Variants in GALNTL6 observed in about 807,000 individuals in gnomAD.
GALNTL6 encodes the protein polypeptide N-acetylgalactosaminyltransferase like 6.
A neutral mutation model predicts 73.7 loss-of-function variants in GALNTL6; 46 were observed. The ratio of observed to expected loss-of-function variants is 0.62; its 90% confidence interval spans 0.49 to 0.80. The LOEUF is 0.80. Ranked by LOEUF, GALNTL6 falls within the 30% of genes least tolerant of loss-of-function variation. GALNTL6 has a pLI of 0.00. For synonymous variants in GALNTL6, 259 were observed against 263.7 expected (o/e 0.98, Z 0.17); for missense variants, 604 against 755.0 (o/e 0.80, Z 2.34).
intron 2 of GALNTL6, among the ~76,000 whole-genome samples, chr4:172,131,603 T>G (rs1733500617): frequency 6.6e-6 from 1 of 151,516 alleles, no homozygotes; most frequent in Admixed American, 6.6e-5. Context: ...CCTGTGCTCT[T>G]TTGTCAGTGT....
At chr4:171,893,449 G>T (rs75523059) in intron 2 of GALNTL6, among the ~76,000 whole-genome samples, 3 of 152,100 alleles carry the variant, frequency 2.0e-5, no homozygotes, top group African/African-American at 7.2e-5. Flanking sequence ...TACCAGTGTG[G>T]TACCTTCATA....
At chr4:172,825,959 TA>T (rs1179867572) in intron 7 of GALNTL6, among the ~76,000 whole-genome samples, 1 of 152,222 alleles carries the variant, frequency 6.6e-6, no homozygotes, top group Non-Finnish European at 1.5e-5. Context: ...CTTTTTGTAG[TA>T]ATAGAAACCA....
chr4:172,616,031 A>C (rs1213871821), intron 5 of GALNTL6, among the ~76,000 whole-genome samples: 1 of 152,202 alleles, frequency 6.6e-6, no homozygotes, highest in Non-Finnish European at 1.5e-5. Flanking sequence ...GAAATGCCTA[A>C]GTTTTTGGCT....
At chr4:172,580,687 T>C (rs1037736757) in intron 5 of GALNTL6, among the ~76,000 whole-genome samples, 17 of 152,354 alleles carry the variant, frequency 1.1e-4, no homozygotes, top group African/African-American at 3.6e-4. Flanking sequence ...CCTTTTGATT[T>C]TAAGACTTTT....
intron 5 of GALNTL6, among the ~76,000 whole-genome samples, chr4:172,646,604 A>T (rs879170064): frequency 1.3e-5 from 2 of 152,020 alleles, no homozygotes; most frequent in Admixed American, 1.3e-4. Context: ...TGTATAATAC[A>T]GTATTTGACA....
At chr4:172,654,229 T>C (rs1048470170) in intron 5 of GALNTL6, among the ~76,000 whole-genome samples, 7 of 152,218 alleles carry the variant, frequency 4.6e-5, no homozygotes, top group Non-Finnish European at 8.8e-5. Context: ...GATTGCTTAA[T>C]GTCTCCTTTA....
chr4:172,735,002 C>T (rs1237235573), intron 5 of GALNTL6, among the ~76,000 whole-genome samples: 1 of 152,178 alleles, frequency 6.6e-6, no homozygotes, highest in African/African-American at 2.4e-5. Context: ...GGTTGTAGCC[C>T]TTATGGAGAG....
intron 3 of GALNTL6, among the ~76,000 whole-genome samples, chr4:172,255,550 C>T (rs927466227): frequency 2.6e-5 from 4 of 151,362 alleles, no homozygotes; most frequent in Non-Finnish European, 5.9e-5. Context: ...TCTTTTCTTT[C>T]TCTTCTTCTT....
chr4:172,075,346 T>C (rs1731668210), intron 2 of GALNTL6, among the ~76,000 whole-genome samples: 1 of 152,134 alleles, frequency 6.6e-6, no homozygotes, highest in Non-Finnish European at 1.5e-5. Context: ...GTTTGTTTGT[T>C]TGTTTTGAGA....
chr4:171,825,422 A>G (rs7677095), intron 2 of GALNTL6, among the ~76,000 whole-genome samples: 105,661 of 152,066 alleles, frequency 0.69, 38,947 homozygotes, highest in Admixed American at 0.83. Context: ...AGTGAATTTT[A>G]CCATTTTTCA....
chr4:172,179,955 A>G (rs993127252), intron 2 of GALNTL6, among the ~76,000 whole-genome samples: 10 of 152,186 alleles, frequency 6.6e-5, no homozygotes, highest in African/African-American at 2.4e-4. Flanking sequence ...CTTTGTGTAT[A>G]CATCCAGTAA....
intron 2 of GALNTL6, among the ~76,000 whole-genome samples, chr4:172,111,348 TAAGTA>T (rs1207096922): frequency 6.6e-6 from 1 of 152,158 alleles, no homozygotes; most frequent in African/African-American, 2.4e-5. Context: ...ACTACATGAT[TAAGTA>T]AAGTGAACAT....
chr4:172,144,359 C>T (rs1386130471), intron 2 of GALNTL6, among the ~76,000 whole-genome samples: 1 of 152,106 alleles, frequency 6.6e-6, no homozygotes, highest in Non-Finnish European at 1.5e-5. Context: ...TTTACTAAAT[C>T]CAGGTTCCAG....
intron 2 of GALNTL6, among the ~76,000 whole-genome samples, chr4:172,144,846 T>C (rs1733888797): frequency 6.6e-6 from 1 of 152,226 alleles, no homozygotes; most frequent in Admixed American, 6.5e-5. Flanking sequence ...GCAAATTACA[T>C]GCAGTAAAAT....
intron 5 of GALNTL6, among the ~76,000 whole-genome samples, chr4:172,362,972 A>G (rs1164922563): frequency 6.6e-6 from 1 of 152,156 alleles, no homozygotes; most frequent in East Asian, 1.9e-4. Context: ...GTTCTGTTCC[A>G]CTTTTGTCTA....
At chr4:172,871,879 G>T (rs776987800) in intron 7 of GALNTL6, among the ~76,000 whole-genome samples, 8 of 151,922 alleles carry the variant, frequency 5.3e-5, no homozygotes, top group Non-Finnish European at 4.4e-5. Flanking sequence ...CTCCTCCCGG[G>T]TTCAAGTGAT....
At chr4:171,930,114 A>G (rs1738130403) in intron 2 of GALNTL6, among the ~76,000 whole-genome samples, 1 of 152,222 alleles carries the variant, frequency 6.6e-6, no homozygotes, top group African/African-American at 2.4e-5. Flanking sequence ...ATACCACCAC[A>G]TACCTGCACC....
chr4:172,403,655 G>A (rs1181925694), intron 5 of GALNTL6, among the ~76,000 whole-genome samples: 1 of 151,914 alleles, frequency 6.6e-6, no homozygotes, highest in East Asian at 1.9e-4. Flanking sequence ...AACTGAAGGA[G>A]CATATATTTG....
At chr4:172,086,254 A>T (rs1732029759) in intron 2 of GALNTL6, among the ~76,000 whole-genome samples, 1 of 152,086 alleles carries the variant, frequency 6.6e-6, no homozygotes, top group Non-Finnish European at 1.5e-5. Context: ...GAGTAATATA[A>T]TTATACATGA....
Sources: gnomAD v4.1 joint callset for allele counts (sites outside exome capture counted in the v4.1 genomes callset) on GRCh38, gnomAD v4.1.1 for gene constraint, MANE v1.5 for transcripts, NCBI Gene and HGNC (gene_info 2026-07-23, HGNC 2026-07-21) for gene names.